Variants in GRIN2A observed in about 807,000 individuals in gnomAD.
GRIN2A encodes the protein glutamate receptor ionotropic, NMDA 2A.
GRIN2A carries 22 observed loss-of-function variants against 113.4 expected under a neutral mutation model. The observed-to-expected ratio is 0.19, with a 90% CI of 0.14 to 0.28. The LOEUF is 0.28. Ranked by LOEUF, GRIN2A falls within the 10% of genes least tolerant of loss-of-function variation. GRIN2A has a pLI of 1.00. For missense variants in GRIN2A, 1,502 were observed against 1,887.0 expected, an observed-to-expected ratio of 0.80 and a Z score of 3.78; for synonymous variants, 827 against 738.4, an observed-to-expected ratio of 1.12 and a Z score of -1.94.
rs2141342555 is a variant in GRIN2A, at chr16:9,840,711, C to G, written c.1587G>C (p.Val529=). 1 of 1,612,200 alleles carries G rather than the reference C, an allele frequency of 6.2e-7. No homozygotes were observed. ...SEVVDFSVPF[V]ETGISVMVSR... ...AAACCATGACACTGATTCCCGTTTC[C>G]ACAAAGGGCACAGAGAAGTCCACCA... The change falls in exon 7 of 13, where the codon GTG becomes GTC. Residue 529 remains valine, a synonymous_variant. Coordinates refer to ENST00000330684, the MANE Select transcript of GRIN2A (RefSeq NM_001134407.3).
chr16:10,042,676 T>C (rs1220151489), intron 2 of GRIN2A, among the ~76,000 whole-genome samples: 1 of 152,226 alleles, frequency 6.6e-6, no homozygotes, highest in African/African-American at 2.4e-5. Context: ...AACACAGCCA[T>C]CAGTACATAG....
In GRIN2A at chr16:9,942,679, C is replaced by A. The variant is rs546406771; in HGVS notation, c.415-4128G>T. Among the ~76,000 whole-genome samples the A allele has an allele frequency of 4.6e-5, 7 of 152,286 alleles. No individual in the cohort carries two copies. The South Asian group carries it at 1.2e-3, about 27-fold the overall frequency. On this transcript the variant is annotated intron_variant, in intron 2 of 12. Transcript: ENST00000330684. The stretch of plus-strand genomic sequence containing the variant: ...CATGCTGGTTTCAAATCCCCACCAC[C>A]CCATGCAAACCAGCTCATTCATTCT...
intron 3 of GRIN2A, among the ~76,000 whole-genome samples, chr16:9,910,746 C>A (rs575067679): frequency 2.9e-4 from 44 of 152,166 alleles, no homozygotes; most frequent in Middle Eastern, 3.4e-3. Flanking sequence ...CCATGTTGGC[C>A]AGTCTGGCCT....
At chr16:9,916,176 A>C (rs1451104172) in intron 3 of GRIN2A, among the ~76,000 whole-genome samples, 4 of 152,238 alleles carry the variant, frequency 2.6e-5, no homozygotes, top group Non-Finnish European at 5.9e-5. Context: ...TGTTATGAGG[A>C]TTCAAGATTT....
intron 5 of GRIN2A, among the ~76,000 whole-genome samples, chr16:9,847,059 C>G (rs542525738): frequency 6.6e-6 from 1 of 152,130 alleles, no homozygotes; most frequent in Non-Finnish European, 1.5e-5. Flanking sequence ...TGTTGCTGAG[C>G]TGAGAAACTG....
chr16:9,875,432 A>G (rs139797735), intron 4 of GRIN2A, among the ~76,000 whole-genome samples: 3 of 152,306 alleles, frequency 2.0e-5, no homozygotes, highest in Middle Eastern at 3.4e-3. Context: ...TCTGCTGCCA[A>G]TGGCACAGAT....
chr16:10,131,210 C>T (rs775991252), intron 2 of GRIN2A, among the ~76,000 whole-genome samples: 1 of 152,084 alleles, frequency 6.6e-6, no homozygotes, highest in Non-Finnish European at 1.5e-5. Flanking sequence ...TATTAAACAC[C>T]GAGGCTAGTG....
intron 2 of GRIN2A, among the ~76,000 whole-genome samples, chr16:9,974,098 G>T (rs1203420467): frequency 6.6e-6 from 1 of 152,154 alleles, no homozygotes; most frequent in Non-Finnish European, 1.5e-5. Context: ...GCCTCTTAGG[G>T]TATTAATGTA....
chr16:10,076,508 C>T (rs767366552), intron 2 of GRIN2A, among the ~76,000 whole-genome samples: 1 of 152,122 alleles, frequency 6.6e-6, no homozygotes, highest in Non-Finnish European at 1.5e-5. Flanking sequence ...CCGTGGCCCT[C>T]CCACGCACTA....
intron 2 of GRIN2A, among the ~76,000 whole-genome samples, chr16:10,168,975 C>A (rs867118696): frequency 7.1e-6 from 1 of 141,550 alleles, no homozygotes; most frequent in African/African-American, 2.6e-5. Context: ...CAAATAATAA[C>A]AATAATAATA....
At chr16:9,824,640 G>A (rs1596467194) in intron 9 of GRIN2A, among the ~76,000 whole-genome samples, 3 of 152,244 alleles carry the variant, frequency 2.0e-5, no homozygotes, top group South Asian at 4.1e-4. Flanking sequence ...CCAAGCTCCA[G>A]GAACCTTTTC....
At chr16:9,973,686 C>A (rs12928694) in intron 2 of GRIN2A, among the ~76,000 whole-genome samples, 21,866 of 151,912 alleles carry the variant, frequency 0.14, 1,706 homozygotes, top group Middle Eastern at 0.19. Context: ...AAAAATAGCA[C>A]ATTATATATA....
chr16:10,157,286 C>G (rs1475238500), intron 2 of GRIN2A, among the ~76,000 whole-genome samples: 5 of 152,060 alleles, frequency 3.3e-5, no homozygotes, highest in Admixed American at 3.3e-4. Context: ...AGATGAGACA[C>G]AAAATAATAT....
chr16:10,117,199 T>C (rs1427999408), intron 2 of GRIN2A, among the ~76,000 whole-genome samples: 1 of 152,202 alleles, frequency 6.6e-6, no homozygotes, highest in African/African-American at 2.4e-5. Context: ...GCTCCAATTC[T>C]TGGCTCCAAG....
intron 4 of GRIN2A, among the ~76,000 whole-genome samples, chr16:9,850,589 G>C (rs2042866084): frequency 6.6e-6 from 1 of 152,174 alleles, no homozygotes. Context: ...AAGCTAGAGA[G>C]TGAAAAGAAG....
chr16:9,927,689 G>C (rs567915718), intron 3 of GRIN2A, among the ~76,000 whole-genome samples: 1 of 152,252 alleles, frequency 6.6e-6, no homozygotes, highest in East Asian at 1.9e-4. Flanking sequence ...TACATGGTAG[G>C]TCTTACCCTT....
At chr16:10,099,059 TC>T (rs2048347536) in intron 2 of GRIN2A, among the ~76,000 whole-genome samples, 1 of 152,104 alleles carries the variant, frequency 6.6e-6, no homozygotes, top group Non-Finnish European at 1.5e-5. Context: ...TAGAAAATGC[TC>T]AAAAAAACCA....
intron 2 of GRIN2A, among the ~76,000 whole-genome samples, chr16:9,945,674 G>T (rs756555549): frequency 6.6e-6 from 1 of 152,174 alleles, no homozygotes; most frequent in Non-Finnish European, 1.5e-5. Flanking sequence ...ATTCTGATCT[G>T]TGCCAATAGG....
At chr16:9,778,621 A>G (rs903191889) in intron 11 of GRIN2A, among the ~76,000 whole-genome samples, 11 of 152,342 alleles carry the variant, frequency 7.2e-5, no homozygotes, top group Admixed American at 2.0e-4. Flanking sequence ...AGCAGCTAAC[A>G]ACCCTGCCCT....
Sources: allele counts gnomAD v4.1 joint callset (sites outside exome capture counted in the v4.1 genomes callset), GRCh38; gene constraint gnomAD v4.1.1; transcripts MANE v1.5; gene names NCBI Gene and HGNC (gene_info 2026-07-23, HGNC 2026-07-21).